Variants in KCNQ5 observed in about 807,000 individuals in gnomAD.
KCNQ5 encodes the protein potassium voltage-gated channel subfamily KQT member 5.
KCNQ5 carries 30 observed loss-of-function variants against 98.2 expected under a neutral mutation model. That is an observed-to-expected ratio of 0.31 (90% CI 0.23 to 0.41). The LOEUF (loss-of-function observed/expected upper bound fraction) is 0.41. Among genes scored for constraint, KCNQ5 ranks in the 10% least tolerant of loss-of-function variants. The pLI is 1.00. For missense variants in KCNQ5, 835 were observed against 1,182.5 expected (o/e 0.71, Z 4.31); for synonymous variants, 458 against 449.4 (o/e 1.02, Z -0.24).
chr6:72,811,737 A>G (rs1471520305), intron 1 of KCNQ5, among the ~76,000 whole-genome samples: 1 of 152,174 alleles, frequency 6.6e-6, no homozygotes, highest in African/African-American at 2.4e-5. Context: ...GTTACCGGAA[A>G]GGGTCCCAGT....
At chr6:72,675,959 A>G (rs1767385972) in intron 1 of KCNQ5, among the ~76,000 whole-genome samples, 1 of 152,168 alleles carries the variant, frequency 6.6e-6, no homozygotes, top group South Asian at 2.1e-4. Context: ...TCTGAATCTT[A>G]TATTGATTTT....
chr6:72,967,514 T>C (rs559031129), intron 1 of KCNQ5, among the ~76,000 whole-genome samples: 95 of 152,280 alleles, frequency 6.2e-4, no homozygotes, highest in African/African-American at 2.0e-3. Flanking sequence ...AACCATATGA[T>C]GCAATCAACG....
At chr6:72,682,610 A>T (rs1238922128) in intron 1 of KCNQ5, among the ~76,000 whole-genome samples, 1 of 152,158 alleles carries the variant, frequency 6.6e-6, no homozygotes, top group Admixed American at 6.5e-5. Flanking sequence ...CAGCCCTCAA[A>T]GTACTCCTCT....
At chr6:73,148,276 G>T (rs1333576566) in intron 10 of KCNQ5, among the ~76,000 whole-genome samples, 1 of 152,188 alleles carries the variant, frequency 6.6e-6, no homozygotes, top group East Asian at 1.9e-4. Flanking sequence ...ATCTTTAAGA[G>T]AGAATCTTAG....
intron 1 of KCNQ5, among the ~76,000 whole-genome samples, chr6:72,930,980 TTGGC>T (rs1562075170): frequency 6.6e-6 from 1 of 152,182 alleles, no homozygotes; most frequent in Non-Finnish European, 1.5e-5. Context: ...TTTACGTTTG[TTGGC>T]TGACCTCTGC....
At chr6:72,870,110 T>A (rs1401368273) in intron 1 of KCNQ5, among the ~76,000 whole-genome samples, 2 of 152,208 alleles carry the variant, frequency 1.3e-5, no homozygotes, top group African/African-American at 4.8e-5. Context: ...TTGACTATTA[T>A]TTAAAAATGT....
intron 9 of KCNQ5, chr6:73,129,797 T>G: frequency 6.2e-7 from 1 of 1,612,608 alleles, no homozygotes; most frequent in Non-Finnish European, 8.5e-7. Context: ...TCCTAGTAAG[T>G]TCTGTAGTAA....
At chr6:73,157,319 G>A (rs1777402409) in intron 10 of KCNQ5, among the ~76,000 whole-genome samples, 1 of 152,162 alleles carries the variant, frequency 6.6e-6, no homozygotes, top group Non-Finnish European at 1.5e-5. Context: ...GCTTGAGTGT[G>A]CAGAAAAGGG....
chr6:73,130,121 C>T lies in KCNQ5; in HGVS notation c.1248-3300C>T, dbSNP rs1006597008. The stretch of plus-strand genomic sequence containing the variant: ...TCCTTGTGGTTGGACAACTGCTGAG[C>T]TGCTGCACGCACTGGATTGTTATGG... On this transcript the variant is annotated intron_variant, in intron 9 of 13. Coordinates refer to ENST00000370398, the MANE Select transcript of KCNQ5 (RefSeq NM_019842.4). Among the ~76,000 whole-genome samples, 3 of 152,254 alleles carry T rather than the reference C, an allele frequency of 2.0e-5. No homozygotes were observed. In the South Asian group the frequency reaches 6.2e-4, roughly 31 times the overall value.
At chr6:72,985,599 C>T (rs1329068935) in intron 1 of KCNQ5, among the ~76,000 whole-genome samples, 7 of 152,092 alleles carry the variant, frequency 4.6e-5, no homozygotes. Context: ...AAATGAAAAC[C>T]ACAATGATAT....
intron 1 of KCNQ5, among the ~76,000 whole-genome samples, chr6:72,782,265 T>TCC: frequency 6.6e-6 from 1 of 151,842 alleles, no homozygotes; most frequent in East Asian, 1.9e-4. Context: ...TCTCTCTCTC[T>TCC]CCCACAAGAG....
At chr6:72,642,721 A>G (rs1765387268) in intron 1 of KCNQ5, among the ~76,000 whole-genome samples, 1 of 152,158 alleles carries the variant, frequency 6.6e-6, no homozygotes, top group Non-Finnish European at 1.5e-5. Flanking sequence ...AGAACTAAAC[A>G]TAGAGCTGCC....
chr6:72,645,740 G>C (rs926734115), intron 1 of KCNQ5, among the ~76,000 whole-genome samples: 8 of 151,946 alleles, frequency 5.3e-5, no homozygotes, highest in South Asian at 2.1e-4. Context: ...ATTCAGTTGT[G>C]GTTTGTCCTT....
rs181672167 is a variant in KCNQ5 at position 73,195,454 on chromosome 6, A to G, written c.*40A>G. 97 of 1,585,044 alleles carry G rather than the reference A, an allele frequency of 6.1e-5. No individual in the cohort carries two copies. The East Asian group carries it at 1.9e-3, about 31-fold the overall frequency. On this transcript the variant is annotated 3_prime_UTR_variant, in exon 14 of 14. Transcript: ENST00000370398. ...TTCCAGGCATAGCAGTTCTTTAGCC[A>G]TACATATCATTGCATGAACTATTTC...
chr6:72,810,034 C>T (rs746620556), intron 1 of KCNQ5, among the ~76,000 whole-genome samples: 47 of 152,162 alleles, frequency 3.1e-4, no homozygotes, highest in Non-Finnish European at 6.6e-4. Flanking sequence ...AGGCATCTCC[C>T]GACTGCTTCA....
chr6:72,877,747 T>A (rs965122440), intron 1 of KCNQ5, among the ~76,000 whole-genome samples: 1 of 152,236 alleles, frequency 6.6e-6, no homozygotes. Flanking sequence ...GACTTTTTAA[T>A]GATTGCCATT....
intron 1 of KCNQ5, among the ~76,000 whole-genome samples, chr6:72,858,737 A>G (rs1777633018): frequency 6.6e-6 from 1 of 152,056 alleles, no homozygotes; most frequent in Non-Finnish European, 1.5e-5. Context: ...CCATTCCAAG[A>G]TGTTCTCCAG....
At chr6:72,770,990 G>A (rs185356682) in intron 1 of KCNQ5, among the ~76,000 whole-genome samples, 3 of 152,164 alleles carry the variant, frequency 2.0e-5, no homozygotes, top group South Asian at 2.1e-4. Flanking sequence ...AGGGACCCTC[G>A]ATCTAGAAGG....
At chr6:72,738,924 G>A (rs533961426) in intron 1 of KCNQ5, among the ~76,000 whole-genome samples, 11 of 152,264 alleles carry the variant, frequency 7.2e-5, no homozygotes, top group South Asian at 2.1e-4. Flanking sequence ...GGCAGAACCC[G>A]GAGGATTTTT....
Sources: gnomAD v4.1 joint callset for allele counts (sites outside exome capture counted in the v4.1 genomes callset) on GRCh38, gnomAD v4.1.1 for gene constraint, MANE v1.5 for transcripts, NCBI Gene and HGNC (gene_info 2026-07-23, HGNC 2026-07-21) for gene names.